FES: variants seen among roughly 807,000 people sequenced by gnomAD.
FES encodes tyrosine-protein kinase Fes/Fps.
FES carries 83 observed loss-of-function variants against 109.6 expected under a neutral mutation model. The ratio of observed to expected loss-of-function variants is 0.76; its 90% CI spans 0.63 to 0.91. The LOEUF (loss-of-function observed/expected upper bound fraction) is 0.91, where lower values mean the gene tolerates loss of function less well. Ranked by LOEUF, FES falls within the 40% of genes least tolerant of loss-of-function variation. The pLI is 0.00. For missense variants in FES, 943 were observed against 1,070.9 expected, an observed-to-expected ratio of 0.88 and a Z score of 1.67; for synonymous variants, 458 against 442.1, an observed-to-expected ratio of 1.04 and a Z score of -0.45.
chr15:90,886,972 G>A lies in FES; in HGVS notation c.399G>A (p.Gln133=), dbSNP rs879507939. ...LQQELTKTHS[Q]DIEKLKSQYR... is the part of the protein sequence containing the mutation. ...TCCTCTCTCCCTAGACCCACAGCCA[G>A]GACATTGAGAAGCTGAAGAGCCAGT... The change falls in exon 4 of 19, where the codon CAG becomes CAA. Residue 133 remains glutamine, a synonymous_variant. Transcript: ENST00000328850. The A allele has an allele frequency of 4.3e-6, 7 of 1,614,162 alleles. No homozygotes were observed. The highest frequency in any genetic ancestry group is 5.9e-6 in the Non-Finnish European group (7 of 1,180,018).
At chr15:90,893,071 C>A in intron 14 of FES, 29 bp from the exon 15 acceptor site, 1 of 1,606,272 alleles carries the variant, frequency 6.2e-7, no homozygotes, top group South Asian at 1.1e-5. Flanking sequence ...GGCCTGGCCA[C>A]GTAGATCCTG....
chr15:90,885,225 C>CCGGG lies in FES; in HGVS notation c.182_185dup (p.Ile63GlyfsTer5). Reference sequence around the variant, plus strand: ...CCCTGCAGGACAGTGGGGGCCAGAGCCGGGCCATCAGCCCTGACAGCCCCA... The same window carrying CCGGG: ...CCCTGCAGGACAGTGGGGGCCAGAGCCGGGCGGGCCATCAGCCCTGACAGCCCCA... On this transcript the variant is annotated frameshift_variant, in exon 2 of 19. Coordinates refer to ENST00000328850, the MANE Select transcript of FES (RefSeq NM_002005.4). LOFTEE classifies it high-confidence loss of function. The CCGGG allele has an allele frequency of 6.2e-7, 1 of 1,613,332 alleles. No individual in the cohort carries two copies. Among genetic ancestry groups the CCGGG allele is most frequent in the Non-Finnish European group, 8.5e-7 (1 of 1,179,952 alleles).
Position 90,889,220 on chromosome 15 carries a change from A to C in FES, c.669-86A>C. The C allele has an allele frequency of 6.4e-7, 1 of 1,552,016 alleles. No homozygotes were observed. The highest frequency in any genetic ancestry group is 8.7e-7 in the Non-Finnish European group (1 of 1,146,376). On this transcript the variant is annotated intron_variant, in intron 5 of 18. Transcript: ENST00000328850. The surrounding 1 kb of genome is among the most constrained non-coding windows in gnomAD (Gnocchi z 6.1). ...GAGGCAGGGGTCAACCCCAGCCCTG[A>C]CTCCAAACCCAGGGTCCTAGGCCTG... is the stretch of plus-strand genomic sequence containing the variant.
chr15:90,892,160 T>A (rs1190103223), intron 13 of FES, 49 bp downstream of exon 13: 1 of 1,608,882 alleles, frequency 6.2e-7, no homozygotes, highest in Non-Finnish European at 8.5e-7. Context: ...TTCTCCTGAG[T>A]CGCGCCTGGG....
intron 5 of FES, among the ~76,000 whole-genome samples, chr15:90,888,041 T>C (rs1261774985): frequency 1.3e-5 from 2 of 152,172 alleles, no homozygotes; most frequent in Non-Finnish European, 2.9e-5. Flanking sequence ...AGCAGGGCCA[T>C]GGTGAGGACT....
Position 90,889,163 on chromosome 15 carries a change from A to G in FES, c.669-143A>G, listed in dbSNP as rs1308508363. 1 of 1,006,214 alleles carries G rather than the reference A, an allele frequency of 9.9e-7. No individual in the cohort carries two copies. The highest frequency in any genetic ancestry group is 1.5e-6 in the Non-Finnish European group (1 of 687,222). 62.3% of individuals were successfully genotyped at this position (1,006,214 alleles called of 1,614,324 possible). A position where few individuals can be genotyped will look rare whatever the true frequency, so the allele number is the denominator to read the frequency against. On this transcript the variant is annotated intron_variant, in intron 5 of 18. Coordinates refer to ENST00000328850, the MANE Select transcript of FES (RefSeq NM_002005.4). The surrounding 1 kb of genome is among the most constrained non-coding windows in gnomAD (Gnocchi z 6.1). ...TAGAAGATTAGGGAGAGGTTAAATA[A>G]TTTGCCTAGAGTGGCATGGCTAGCT...
rs2033222672 is a variant in FES at position 90,891,593 on chromosome 15, C to A, written c.1570C>A (p.Pro524Thr). Residue 524 changes from proline to threonine, a missense_variant, in exon 12 of 19, where the codon CCT (proline) becomes ACT (threonine). Physicochemically the swap from Pro to Thr is conservative, Grantham distance 38. Transcript: ENST00000328850. ...RLEGEGFPSI[P>T]LLIDHLLSTQ... ...GGAAGGGGAAGGCTTTCCTAGCATT[C>A]CTTTGCTCATCGACCACCTACTGAG... 6.2e-7 allele frequency: 1 copy of A among 1,613,922 alleles called. No homozygotes were observed. The highest frequency in any genetic ancestry group is 8.5e-7 in the Non-Finnish European group (1 of 1,180,004).
At position 90,889,494 on chromosome 15, in the gene FES, T is replaced by C; in HGVS notation, c.807-23T>C. On this transcript the variant is annotated intron_variant, in intron 6 of 18. Coordinates refer to ENST00000328850, the MANE Select transcript of FES (RefSeq NM_002005.4). This position sits in a 1 kb window ranked among gnomAD's most constrained non-coding sequence, Gnocchi z 6.1. ...GGCCCAGGGCTGCTGGCCTGTCCACTGACGGGGCGCTGTCCCCCACAGGTC... is the reference window on the plus strand; with the variant it reads ...GGCCCAGGGCTGCTGGCCTGTCCACCGACGGGGCGCTGTCCCCCACAGGTC... 6.2e-7 allele frequency: 1 copy of C among 1,613,906 alleles called. No individual in the cohort carries two copies. Among genetic ancestry groups the C allele is most frequent in the Non-Finnish European group, 8.5e-7 (1 of 1,180,008 alleles).
Position 90,893,274 on chromosome 15 carries a change from G to A in FES, c.1922-17G>A. The stretch of plus-strand genomic sequence containing the variant: ...CCTTACCTCAGGAGGCTCAGCAGGG[G>A]TCCTCCCCACCTGCAGGGGGCGACT... On this transcript the variant is annotated splice_polypyrimidine_tract_variant and intron_variant, in intron 15 of 18. Transcript: ENST00000328850. 1 of 1,609,212 alleles carries A rather than the reference G, an allele frequency of 6.2e-7. No homozygotes were observed. The highest frequency in any genetic ancestry group is 8.5e-7 in the Non-Finnish European group (1 of 1,177,400).
At chr15:90,890,875 T>C in intron 10 of FES, 107 bp from the exon 11 acceptor site, 1 of 1,139,920 alleles carries the variant, frequency 8.8e-7, no homozygotes, top group East Asian at 2.6e-5. Flanking sequence ...CACTCCATGG[T>C]TGTAAGGGCT....
Position 90,887,350 on chromosome 15 carries a change from C to T in FES, c.648C>T (p.His216=), listed in dbSNP as rs141941493. 3.7e-5 allele frequency: 60 copies of T among 1,611,602 alleles called. No individual in the cohort carries two copies. The African/African-American group carries it at 6.3e-4, about 17-fold the overall frequency. ...TGCTGCGGTCACTGCAGGACCTGCA[C>T]GAGGAGATGGCTTGCATCCTGTAAG... ...PGLLRSLQDL[H]EEMACILKEI... is the part of the protein sequence containing the mutation. Residue 216 remains histidine (H), a synonymous_variant, in exon 5 of 19, where the codon CAC becomes CAT. Transcript: ENST00000328850.
intron 16 of FES, 105 bp downstream of exon 16, chr15:90,893,519 G>T (rs1009286402): frequency 1.3e-6 from 2 of 1,493,404 alleles, no homozygotes; most frequent in Non-Finnish European, 8.9e-7. Context: ...CAGCTCCAGA[G>T]GGGGAGTTGG....
chr15:90,888,136 C>T (rs1217556999), intron 5 of FES, among the ~76,000 whole-genome samples: 4 of 152,158 alleles, frequency 2.6e-5, no homozygotes, highest in African/African-American at 4.8e-5. Context: ...GTCAGAGTCT[C>T]GCTCTGCCGC....
Position 90,890,268 on chromosome 15 carries a change from C to A in FES, c.1226C>A (p.Thr409Lys). The A allele has an allele frequency of 6.3e-7, 1 of 1,591,384 alleles. No individual in the cohort carries two copies. The highest frequency in any genetic ancestry group is 8.5e-7 in the Non-Finnish European group (1 of 1,172,052). The change falls in exon 9 of 19, where the codon ACG (threonine) becomes AAG (lysine). Residue 409 changes from threonine to lysine, a missense_variant. By Grantham distance (78) the Thr-to-Lys change is moderately conservative. Coordinates refer to ENST00000328850, the MANE Select transcript of FES (RefSeq NM_002005.4). ...VLLLQDDRHS[T>K]SSSEQEREGG... ...CTCCTGCAGGATGACCGCCACTCCA[C>A]GTCGTCCTCGGTGAGCTGCCCCATC...
intron 13 of FES, 107 bp from the exon 14 acceptor site, chr15:90,892,600 C>T (rs1596111848): frequency 8.3e-6 from 9 of 1,083,360 alleles, no homozygotes; most frequent in South Asian, 4.6e-5. Context: ...GTGAGGGGTC[C>T]GAACACGGGG....
intron 12 of FES, 64 bp from the exon 13 acceptor site, chr15:90,891,994 C>T (rs2033263180): frequency 6.3e-6 from 10 of 1,593,344 alleles, no homozygotes; most frequent in Middle Eastern, 3.3e-4. Context: ...AGGACACAGC[C>T]CTTCTAAGGG....
Position 90,895,623 on chromosome 15 carries a change from A to G in FES, c.*65A>G. ...CTAGGTGCAGCTCCTCAGCGGCTCC[A>G]GCTCATATGCTGACAGCTCTTCACA... On this transcript the variant is annotated 3_prime_UTR_variant, in exon 19 of 19. Transcript: ENST00000328850. 1 of 1,401,134 alleles carries G rather than the reference A, an allele frequency of 7.1e-7. No individual in the cohort carries two copies. The highest frequency in any genetic ancestry group is 1.5e-5 in the African/African-American group (1 of 68,222). 86.8% of individuals were successfully genotyped at this position (1,401,134 alleles called of 1,614,324 possible).
At position 90,889,285 on chromosome 15, in the gene FES, G is replaced by A. The variant is rs749106565; in HGVS notation, c.669-21G>A. ...GCCCAGCCTGAGGCTCCCCTGACTGGGGATCCCGTCTCGGGGGCAGGAAGG... is the reference window on the plus strand; with the variant it reads ...GCCCAGCCTGAGGCTCCCCTGACTGAGGATCCCGTCTCGGGGGCAGGAAGG... On this transcript the variant is annotated intron_variant, in intron 5 of 18. Coordinates refer to ENST00000328850, the MANE Select transcript of FES (RefSeq NM_002005.4). This position sits in a 1 kb window ranked among gnomAD's most constrained non-coding sequence, Gnocchi z 6.1. 4 of 1,611,856 alleles carry A rather than the reference G, an allele frequency of 2.5e-6. No homozygotes were observed. The highest frequency in any genetic ancestry group is 3.4e-6 in the Non-Finnish European group (4 of 1,179,304).
Position 90,889,645 on chromosome 15 carries a change from T to C in FES, c.926+9T>C, listed in dbSNP as rs1259217150. 1.2e-6 allele frequency: 2 copies of C among 1,612,424 alleles called. No homozygotes were observed. Among genetic ancestry groups the C allele is most frequent in the African/African-American group, 1.3e-5 (1 of 74,966 alleles). On this transcript the variant is annotated intron_variant, in intron 7 of 18. Coordinates refer to ENST00000328850, the MANE Select transcript of FES (RefSeq NM_002005.4). This position sits in a 1 kb window ranked among gnomAD's most constrained non-coding sequence, Gnocchi z 6.1. The stretch of plus-strand genomic sequence containing the variant: ...GAGAGCGTGCAGCACACGTGGGTGG[T>C]GGCTTTGCACCTGGGCTGCGGCGGG...
Sources: allele counts gnomAD v4.1 joint callset (sites outside exome capture counted in the v4.1 genomes callset), GRCh38; gene constraint gnomAD v4.1.1; non-coding constraint Gnocchi (gnomAD v3.1); transcripts MANE v1.5; gene names NCBI Gene and HGNC (gene_info 2026-07-23, HGNC 2026-07-21).